Variants in TMEM273 observed in about 807,000 individuals in gnomAD.
TMEM273 encodes the protein chromosome 10 open reading frame 128.
A neutral mutation model predicts 17.9 loss-of-function variants in TMEM273; 19 were observed. The observed-to-expected ratio is 1.06, with a 90% CI of 0.74 to 1.55. The LOEUF is 1.55. Ranked by LOEUF, TMEM273 falls within the 40% of genes most tolerant of loss-of-function variation. TMEM273 has a pLI of 0.00. For synonymous variants in TMEM273, 66 were observed against 62.0 expected, an observed-to-expected ratio of 1.07 and a Z score of -0.31; for missense variants, 194 against 155.6, an observed-to-expected ratio of 1.25 and a Z score of -1.31.
At chr10:49,172,681 C>A (rs185581727) in intron 1 of TMEM273, among the ~76,000 whole-genome samples, 7 of 152,218 alleles carry the variant, frequency 4.6e-5, no homozygotes, top group African/African-American at 1.7e-4. Context: ...GGACCAGACA[C>A]AGCACGGCTC....
At chr10:49,161,486 G>A (rs1228276073) in intron 6 of TMEM273, 113 bp downstream of exon 6, 5 of 1,365,698 alleles carry the variant, frequency 3.7e-6, no homozygotes, top group Middle Eastern at 1.8e-4. Flanking sequence ...TGCCATGGTT[G>A]CCCGTCCCAC....
At chr10:49,165,509 C>G (rs757931120) in intron 4 of TMEM273, 52 of 1,414,028 alleles carry the variant, frequency 3.7e-5, no homozygotes, top group Non-Finnish European at 4.5e-5. Flanking sequence ...GGGGGTGGAA[C>G]AGGATCTAAT....
chr10:49,168,830 C>T (rs73304790), intron 1 of TMEM273, among the ~76,000 whole-genome samples: 60,274 of 151,732 alleles, frequency 0.4, 13,143 homozygotes, highest in African/African-American at 0.58. Context: ...ACAAACAGCG[C>T]CCTAAAATAG....
intron 1 of TMEM273, chr10:49,178,106 A>G: frequency 2.3e-6 from 1 of 444,222 alleles, no homozygotes; most frequent in Non-Finnish European, 4.6e-6. Flanking sequence ...TCTTCCTGTA[A>G]GGCTGTTTAA....
intron 1 of TMEM273, among the ~76,000 whole-genome samples, chr10:49,176,005 A>T (rs1846936585): frequency 6.6e-6 from 1 of 152,060 alleles, no homozygotes; most frequent in African/African-American, 2.4e-5. Context: ...GGTGGGTGGG[A>T]GGGAAGGGTA....
At chr10:49,181,274 T>C (rs775590697) in intron 1 of TMEM273, among the ~76,000 whole-genome samples, 2 of 152,182 alleles carry the variant, frequency 1.3e-5, no homozygotes, top group Non-Finnish European at 2.9e-5. Context: ...ATGATAAAGA[T>C]GTCAAATCTC....
chr10:49,156,380 G>T, intron 6 of TMEM273: 1 of 870,130 alleles, frequency 1.1e-6, no homozygotes, highest in Non-Finnish European at 1.6e-6. Flanking sequence ...CAGCTTTGAT[G>T]AAAGGGAAGG....
chr10:49,175,020 T>A (rs946810872), intron 1 of TMEM273, among the ~76,000 whole-genome samples: 3 of 151,366 alleles, frequency 2.0e-5, no homozygotes, highest in African/African-American at 4.9e-5. Flanking sequence ...ATTATTTAAA[T>A]TAAAAACAAA....
At position 49,155,682 on chromosome 10, in the gene TMEM273, G is replaced by A. The variant is rs745629441; in HGVS notation, c.*210C>T. ...AATTGCTCAATCCTTCCTCTGTGCA[G>A]TCCGTTTCTTCCAGAAGAGGCATGA... On this transcript the variant is annotated 3_prime_UTR_variant, in exon 7 of 7. Transcript: ENST00000374153. 3.0e-5 allele frequency: 20 copies of A among 668,892 alleles called. No homozygotes were observed. The highest frequency in any genetic ancestry group is 7.2e-5 in the African/African-American group (4 of 55,310). 41.4% of individuals were successfully genotyped at this position (668,892 alleles called of 1,614,324 possible). A position where few individuals can be genotyped will look rare whatever the true frequency, so the allele number is the denominator to read the frequency against.
chr10:49,165,116 A>G lies in TMEM273; in HGVS notation c.348+89T>C, dbSNP rs979032463. The G allele has an allele frequency of 4.1e-6, 6 of 1,448,072 alleles. No homozygotes were observed. In the South Asian group the frequency reaches 4.3e-5, roughly 10 times the overall value. 89.7% of individuals were successfully genotyped at this position (1,448,072 alleles called of 1,614,324 possible). ...CAAAATAGACAAATCAATATATCGT[A>G]TAGCATCAACTAGTGCAAAGAATTA... On this transcript the variant is annotated intron_variant, in intron 5 of 6. Coordinates refer to ENST00000374153, the MANE Select transcript of TMEM273 (RefSeq NM_001288740.3).
At chr10:49,167,852 G>A (rs1273762248) in intron 2 of TMEM273, 57 bp downstream of exon 2, 7 of 1,600,880 alleles carry the variant, frequency 4.4e-6, no homozygotes, top group African/African-American at 2.7e-5. Flanking sequence ...TGCTTGTCTT[G>A]GGAGCTTCCT....
chr10:49,177,161 A>G (rs1043325925), intron 1 of TMEM273, among the ~76,000 whole-genome samples: 1 of 152,226 alleles, frequency 6.6e-6, no homozygotes, highest in African/African-American at 2.4e-5. Flanking sequence ...CTCACCAGCG[A>G]GTTCCCTTAC....
At position 49,176,347 on chromosome 10, in the gene TMEM273, C is replaced by T. The variant is rs191392194; in HGVS notation, c.44-8385G>A. On this transcript the variant is annotated intron_variant, in intron 1 of 6. Coordinates refer to ENST00000374153, the MANE Select transcript of TMEM273 (RefSeq NM_001288740.3). Reference sequence around the variant, plus strand: ...GCAAGGGCACAAGCCTCTGCTGTTTCGAGAAATGGCCAAACCAAGGCCTCC... The same window carrying T: ...GCAAGGGCACAAGCCTCTGCTGTTTTGAGAAATGGCCAAACCAAGGCCTCC... 2.8e-3 allele frequency among the ~76,000 whole-genome samples: 434 copies of T among 152,320 alleles called. 3 individuals carry two copies. Among genetic ancestry groups the T allele is most frequent in the African/African-American group, 9.9e-3 (413 of 41,576 alleles).
intron 1 of TMEM273, among the ~76,000 whole-genome samples, chr10:49,186,062 A>AGAG (rs1432222234): frequency 3.5e-5 from 5 of 142,506 alleles, no homozygotes; most frequent in Non-Finnish European, 6.1e-5. Flanking sequence ...AGGAAGAAGA[A>AGAG]GAAGAGGAAG....
chr10:49,181,337 T>A (rs1847330566), intron 1 of TMEM273, among the ~76,000 whole-genome samples: 1 of 152,222 alleles, frequency 6.6e-6, no homozygotes, highest in South Asian at 2.1e-4. Context: ...CCAGCAAGAC[T>A]GTTTTTGTAG....
At chr10:49,181,855 T>TA (rs1295686405) in intron 1 of TMEM273, among the ~76,000 whole-genome samples, 7 of 152,294 alleles carry the variant, frequency 4.6e-5, no homozygotes. Context: ...CAATTAAAAT[T>TA]AAACATTTTT....
intron 1 of TMEM273, among the ~76,000 whole-genome samples, chr10:49,169,287 G>A (rs1323974576): frequency 6.6e-6 from 1 of 152,224 alleles, no homozygotes; most frequent in African/African-American, 2.4e-5. Context: ...ACTTCACTGG[G>A]AAAGACCAGA....
intron 1 of TMEM273, among the ~76,000 whole-genome samples, chr10:49,168,712 G>GGGAA (rs1846360138): frequency 6.8e-6 from 1 of 147,354 alleles, no homozygotes; most frequent in African/African-American, 2.5e-5. Context: ...GAGGGAGGGA[G>GGGAA]GGAGGGAGGG....
intron 1 of TMEM273, among the ~76,000 whole-genome samples, chr10:49,168,552 A>G (rs1049386729): frequency 6.6e-6 from 1 of 152,072 alleles, no homozygotes; most frequent in Non-Finnish European, 1.5e-5. Flanking sequence ...ATATTAACAC[A>G]TCAATACGTC....
Sources: gnomAD v4.1 joint callset for allele counts (sites outside exome capture counted in the v4.1 genomes callset) on GRCh38, gnomAD v4.1.1 for gene constraint, MANE v1.5 for transcripts, NCBI Gene and HGNC (gene_info 2026-07-23, HGNC 2026-07-21) for gene names.